PDE4D: variants seen among roughly 807,000 people sequenced by gnomAD.
The protein encoded by PDE4D is phosphodiesterase 4D, also known as 3',5'-cyclic-AMP phosphodiesterase 4D.
PDE4D carries 24 observed loss-of-function variants against 87.4 expected under a neutral mutation model. The ratio of observed to expected loss-of-function variants is 0.27; its 90% CI spans 0.20 to 0.39. The LOEUF (loss-of-function observed/expected upper bound fraction) is 0.39, where lower values mean the gene tolerates loss of function less well. Ranked by LOEUF, PDE4D falls within the 10% of genes least tolerant of loss-of-function variation. PDE4D has a pLI of 1.00. For synonymous variants in PDE4D, 384 were observed against 383.2 expected (o/e 1.00, Z -0.02); for missense variants, 714 against 1,041.0 (o/e 0.69, Z 4.32).
intron 1 of PDE4D, among the ~76,000 whole-genome samples, chr5:59,809,996 G>A (rs1223819256): frequency 2.6e-5 from 4 of 152,326 alleles, no homozygotes; most frequent in African/African-American, 9.6e-5. Flanking sequence ...AGGCAATTAA[G>A]CGACTTCTCA....
At chr5:59,969,810 T>C (rs1003972341) in intron 3 of PDE4D, among the ~76,000 whole-genome samples, 2 of 152,184 alleles carry the variant, frequency 1.3e-5, no homozygotes, top group African/African-American at 4.8e-5. Flanking sequence ...TCTGCCATGA[T>C]TGTAAGTTTC....
intron 1 of PDE4D, among the ~76,000 whole-genome samples, chr5:59,573,814 A>C (rs1822286262): frequency 6.6e-6 from 1 of 150,978 alleles, no homozygotes; most frequent in Admixed American, 6.6e-5. Context: ...CCAGGCCAAC[A>C]TGGTGAAACC....
At chr5:59,728,868 A>G (rs1026205899) in intron 1 of PDE4D, among the ~76,000 whole-genome samples, 1 of 152,104 alleles carries the variant, frequency 6.6e-6, no homozygotes, top group African/African-American at 2.4e-5. Context: ...TGTTACAAGT[A>G]CATATGTTAT....
chr5:59,620,951 G>T (rs1830278796), intron 1 of PDE4D, among the ~76,000 whole-genome samples: 1 of 151,964 alleles, frequency 6.6e-6, no homozygotes, highest in South Asian at 2.1e-4. Flanking sequence ...AACAAGGATT[G>T]TATTGTCAGA....
chr5:59,188,109 C>T (rs1259824642), intron 3 of PDE4D, among the ~76,000 whole-genome samples: 2 of 151,940 alleles, frequency 1.3e-5, no homozygotes, highest in African/African-American at 2.4e-5. Flanking sequence ...TCAGGGCAGC[C>T]CTCACTTCCC....
chr5:59,685,542 T>C (rs1332060878), intron 1 of PDE4D, among the ~76,000 whole-genome samples: 2 of 152,182 alleles, frequency 1.3e-5, no homozygotes, highest in East Asian at 3.8e-4. Context: ...TTTCCCTGTT[T>C]GAAAGCAGAA....
rs138325427 is a variant in PDE4D at position 60,334,277 on chromosome 5, C to T, written c.-89-148590G>A. Among the ~76,000 whole-genome samples, 776 of 152,290 alleles carry T rather than the reference C, an allele frequency of 5.1e-3. 5 individuals carry two copies. Among genetic ancestry groups the T allele is most frequent in the Middle Eastern group, 6.8e-3 (2 of 294 alleles). On this transcript the variant is annotated intron_variant, in intron 1 of 16. Coordinates refer to the PDE4D transcript ENST00000502484. ...ATCATTATTGATTACTAGTGCCCTA[C>T]TGATAACTCCTTCTGATTTGATAAC... is the stretch of plus-strand genomic sequence containing the variant.
At chr5:59,862,820 TAA>T (rs1252408993) in intron 1 of PDE4D, among the ~76,000 whole-genome samples, 1 of 152,156 alleles carries the variant, frequency 6.6e-6, no homozygotes, top group East Asian at 1.9e-4. Flanking sequence ...TAATGACAAA[TAA>T]AAAGTCAGAT....
At chr5:60,301,864 T>G (rs1351487046) in intron 1 of PDE4D, among the ~76,000 whole-genome samples, 1 of 152,224 alleles carries the variant, frequency 6.6e-6, no homozygotes. Flanking sequence ...TCTAGTTTAT[T>G]GAGAGTTTTT....
intron 1 of PDE4D, among the ~76,000 whole-genome samples, chr5:59,459,177 G>T (rs1407771417): frequency 6.6e-6 from 1 of 152,144 alleles, no homozygotes; most frequent in Admixed American, 6.5e-5. Flanking sequence ...TTCTGTTAAA[G>T]TTTAAACAAT....
In PDE4D at chr5:59,410,654, G is replaced by A. The variant is rs1247455527; in HGVS notation, c.456-194686C>T. Reference sequence around the variant, plus strand: ...AATGTCTTCCAGTTCCAACTATGCTGTTGCAAATTACACAATCTCATTCTT... The same window carrying A: ...AATGTCTTCCAGTTCCAACTATGCTATTGCAAATTACACAATCTCATTCTT... On this transcript the variant is annotated intron_variant, in intron 1 of 14. Coordinates refer to ENST00000340635, the MANE Select transcript of PDE4D (RefSeq NM_001104631.2). 2.6e-5 allele frequency among the ~76,000 whole-genome samples: 4 copies of A among 151,856 alleles called. No individual in the cohort carries two copies. The South Asian group carries it at 6.2e-4, about 24-fold the overall frequency.
intron 3 of PDE4D, among the ~76,000 whole-genome samples, chr5:59,922,401 C>T (rs578091308): frequency 6.6e-6 from 1 of 152,110 alleles, no homozygotes; most frequent in Non-Finnish European, 1.5e-5. Context: ...TGCCACCCCA[C>T]CCCCAACCCT....
intron 2 of PDE4D, among the ~76,000 whole-genome samples, chr5:60,005,476 A>G (rs564945018): frequency 1.3e-5 from 2 of 152,190 alleles, no homozygotes; most frequent in African/African-American, 4.8e-5. Flanking sequence ...TACCACACAC[A>G]CACACACATA....
intron 2 of PDE4D, among the ~76,000 whole-genome samples, chr5:60,169,962 C>T (rs1262650388): frequency 6.6e-6 from 1 of 151,988 alleles, no homozygotes; most frequent in African/African-American, 2.4e-5. Context: ...AACTCAATTT[C>T]ACAACAGTTC....
chr5:59,743,080 A>T (rs894089429), intron 1 of PDE4D, among the ~76,000 whole-genome samples: 8 of 152,206 alleles, frequency 5.3e-5, no homozygotes, highest in African/African-American at 1.9e-4. Flanking sequence ...ATCAAGTATT[A>T]TAAGTTAGTA....
At position 59,917,157 on chromosome 5, in the gene PDE4D, A is replaced by G. The variant is rs73761048; in HGVS notation, c.272+71331T>C. ...CGGCTGGAGGTCAAAGGAGGAAGAG[A>G]AAAACTAATGTATAGATTGAATTCT... On this transcript the variant is annotated intron_variant, in intron 3 of 16. Coordinates refer to the PDE4D transcript ENST00000502484. Among the ~76,000 whole-genome samples, 791 of 143,386 alleles carry G rather than the reference A, an allele frequency of 5.5e-3. 3 individuals are homozygous for G. Among genetic ancestry groups the G allele is most frequent in the African/African-American group, 0.023 (762 of 33,328 alleles). The allele number at this position is 143,386 out of a possible 152,430, so 94.1% of individuals were successfully genotyped here. A position where few individuals can be genotyped will look rare whatever the true frequency, so the allele number is the denominator to read the frequency against.
At chr5:60,069,296 A>G (rs1465354925) in intron 2 of PDE4D, among the ~76,000 whole-genome samples, 2 of 152,192 alleles carry the variant, frequency 1.3e-5, no homozygotes, top group African/African-American at 4.8e-5. Flanking sequence ...TGAATAAAAG[A>G]CATCTGAGAG....
chr5:60,112,372 C>G (rs1342819868), intron 2 of PDE4D, among the ~76,000 whole-genome samples: 1 of 152,000 alleles, frequency 6.6e-6, no homozygotes, highest in Non-Finnish European at 1.5e-5. Context: ...TGAGTAACCA[C>G]TACTGTTTTG....
chr5:59,813,319 C>T (rs1768577907), intron 1 of PDE4D, among the ~76,000 whole-genome samples: 1 of 152,122 alleles, frequency 6.6e-6, no homozygotes, highest in Non-Finnish European at 1.5e-5. Flanking sequence ...TGACTGCCTC[C>T]ATAAAACTGG....
Sources: allele counts gnomAD v4.1 joint callset (sites outside exome capture counted in the v4.1 genomes callset), GRCh38; gene constraint gnomAD v4.1.1; transcripts MANE v1.5; gene names NCBI Gene and HGNC (gene_info 2026-07-23, HGNC 2026-07-21).